The following CATSPERG variants were observed in gnomAD, a reference collection of about 807,000 sequenced individuals.
The protein encoded by CATSPERG is cation channel sperm-associated auxiliary subunit gamma.
Under a neutral mutation model 145.0 loss-of-function variants are expected in CATSPERG, and 115 were observed. The ratio of observed to expected loss-of-function variants is 0.79; its 90% CI spans 0.68 to 0.93. CATSPERG has a LOEUF of 0.93. CATSPERG is among the 40% of genes least tolerant of loss of function. CATSPERG has a pLI of 0.00. For missense variants in CATSPERG, 1,296 were observed against 1,490.1 expected (o/e 0.87, Z 2.14); for synonymous variants, 588 against 589.0 (o/e 1.00, Z 0.02).
intron 25 of CATSPERG, 116 bp from the exon 26 acceptor site, chr19:38,367,932 C>G: frequency 2.6e-6 from 3 of 1,157,352 alleles, no homozygotes. Context: ...TCCTGCCCGC[C>G]CCTAACACCA....
intron 7 of CATSPERG, among the ~76,000 whole-genome samples, chr19:38,351,209 T>C (rs1464311558): frequency 6.6e-6 from 1 of 151,906 alleles, no homozygotes; most frequent in African/African-American, 2.4e-5. Context: ...ATTAAATGAG[T>C]CAGAACTTTC....
At chr19:38,346,349 C>T (rs909547081) in intron 6 of CATSPERG, 101 bp from the exon 7 acceptor site, 32 of 1,099,352 alleles carry the variant, frequency 2.9e-5, no homozygotes, top group Admixed American at 1.4e-4. Flanking sequence ...GGACAAATCG[C>T]GTGGGGCCTT....
chr19:38,362,309 C>A, intron 18 of CATSPERG, 37 bp downstream of exon 18: 2 of 1,613,392 alleles, frequency 1.2e-6, no homozygotes, highest in East Asian at 2.2e-5. Flanking sequence ...AAAGGGGCGG[C>A]GCCCGGACAC....
At position 38,367,501 on chromosome 19, in the gene CATSPERG, C is replaced by A; in HGVS notation, c.2771-8C>A. The A allele has an allele frequency of 1.2e-6, 2 of 1,613,792 alleles. No homozygotes were observed. The highest frequency in any genetic ancestry group is 1.7e-6 in the Non-Finnish European group (2 of 1,179,742). On this transcript the variant is annotated splice_polypyrimidine_tract_variant and splice_region_variant and intron_variant, in intron 23 of 28. Coordinates refer to ENST00000409235, the MANE Select transcript of CATSPERG (RefSeq NM_021185.5). ...TTCTTCTGGTCTCAATCCCCTCCAA[C>A]CCCATAGTTTTCTACCCCTTCTTCT...
At chr19:38,353,969 C>A (rs1215961210) in intron 8 of CATSPERG, among the ~76,000 whole-genome samples, 2 of 116,604 alleles carry the variant, frequency 1.7e-5, no homozygotes, top group South Asian at 5.7e-4. Flanking sequence ...CCAGCCTGGG[C>A]GACAGAGTAA....
rs73635732 is a variant in CATSPERG, at chr19:38,364,799, C to T, written c.2476-92C>T. The T allele has an allele frequency of 4.0e-3, 3,979 of 999,220 alleles. 100 individuals carry two copies. The African/African-American group carries it at 0.055, about 14-fold the overall frequency. The allele number at this position is 999,220 out of a possible 1,614,324, so 61.9% of individuals were successfully genotyped here. A position where few individuals can be genotyped will look rare whatever the true frequency, so the allele number is the denominator to read the frequency against. On this transcript the variant is annotated intron_variant, in intron 20 of 28. Coordinates refer to ENST00000409235, the MANE Select transcript of CATSPERG (RefSeq NM_021185.5). The stretch of plus-strand genomic sequence containing the variant: ...TCCGTTTTCCTACCAGCCACCACCT[C>T]GCCCCAGCTATGGGTTATTTGAACT...
chr19:38,364,610 A>G (rs1970415441), intron 20 of CATSPERG, among the ~76,000 whole-genome samples: 2 of 152,226 alleles, frequency 1.3e-5, no homozygotes, highest in Admixed American at 1.3e-4. Flanking sequence ...AGATCACGCC[A>G]CTGCACTCCA....
intron 11 of CATSPERG, among the ~76,000 whole-genome samples, chr19:38,357,523 A>C (rs1970266083): frequency 6.6e-6 from 1 of 151,750 alleles, no homozygotes; most frequent in Non-Finnish European, 1.5e-5. Context: ...CTCAAAAAAA[A>C]AAAAAGAGCA....
At chr19:38,357,422 C>T (rs73043030) in intron 11 of CATSPERG, among the ~76,000 whole-genome samples, 3,627 of 149,482 alleles carry the variant, frequency 0.024, 60 homozygotes, top group South Asian at 0.043. Flanking sequence ...TTGGAATATA[C>T]CTGAGGTGGG....
chr19:38,347,097 G>A (rs919529590), intron 7 of CATSPERG, among the ~76,000 whole-genome samples: 1 of 152,192 alleles, frequency 6.6e-6, no homozygotes, highest in Admixed American at 6.5e-5. Flanking sequence ...TGTAGTCTCA[G>A]CTGCTCAGAA....
chr19:38,349,255 C>G (rs1302101831), intron 7 of CATSPERG: 1 of 152,126 alleles, frequency 6.6e-6, no homozygotes, highest in African/African-American at 2.4e-5. Flanking sequence ...CCTGAGCCTC[C>G]CTAGTAGCTG....
At chr19:38,341,517 A>G (rs1969937607) in intron 3 of CATSPERG, among the ~76,000 whole-genome samples, 1 of 152,144 alleles carries the variant, frequency 6.6e-6, no homozygotes, top group South Asian at 2.1e-4. Flanking sequence ...TAATCCCAGC[A>G]CTTTGGGAGG....
rs780493103 is a variant in CATSPERG, at chr19:38,361,727, T to G, written c.1960T>G (p.Tyr654Asp). The G allele has an allele frequency of 2.5e-6, 4 of 1,613,262 alleles. No homozygotes were observed. Among genetic ancestry groups the G allele is most frequent in the Non-Finnish European group, 3.4e-6 (4 of 1,179,844 alleles). ...GCGGAGCCTGCCCAGTCCGCAGAGA[T>G]ACACGCGCCAGGAGCGCTACCGGGC... ...RLRSLPSPQR[Y>D]TRQERYRARP... The change falls in exon 17 of 29, where the codon TAC becomes GAC. Residue 654 changes from tyrosine (Y) to aspartate (D), a missense_variant. Coordinates refer to ENST00000409235, the MANE Select transcript of CATSPERG (RefSeq NM_021185.5).
In CATSPERG at chr19:38,359,507, C is replaced by T. The variant is rs1600473547; in HGVS notation, c.1534C>T (p.Pro512Ser). Residue 512 changes from proline to serine, a missense_variant, in exon 14 of 29, where the codon CCC (proline) becomes TCC (serine). Transcript: ENST00000409235. ...KENFIYLADFPKELSIKYMAR... is the reference protein window; with the variant it reads ...KENFIYLADFSKELSIKYMAR... Reference sequence around the variant, plus strand: ...AAACTTCATCTACCTGGCAGACTTCCCCAAGGAACTGTCCATCAAATACAT... The same window carrying T: ...AAACTTCATCTACCTGGCAGACTTCTCCAAGGAACTGTCCATCAAATACAT... The T allele has an allele frequency of 6.2e-7, 1 of 1,613,836 alleles. No individual in the cohort carries two copies. Among genetic ancestry groups the T allele is most frequent in the South Asian group, 1.1e-5 (1 of 91,074 alleles).
Position 38,358,285 on chromosome 19 carries a change from T to A in CATSPERG, c.1323T>A (p.Asp441Glu), listed in dbSNP as rs149594255. 2 of 1,614,176 alleles carry A rather than the reference T, an allele frequency of 1.2e-6. No individual in the cohort carries two copies. The highest frequency in any genetic ancestry group is 1.7e-6 in the Non-Finnish European group (2 of 1,180,012). ...FQVVSYNTASDDLELLYHIPE... is the reference protein window; with the variant it reads ...FQVVSYNTASEDLELLYHIPE... The stretch of plus-strand genomic sequence containing the variant: ...TGTTCTCCCCACCTGTAGCTAGTGA[T>A]GACCTGGAACTTCTCTACCACATCC... The change falls in exon 12 of 29, where the codon GAT becomes GAA. Residue 441 changes from aspartate to glutamate, a missense_variant. Coordinates refer to ENST00000409235, the MANE Select transcript of CATSPERG (RefSeq NM_021185.5).
intron 3 of CATSPERG, among the ~76,000 whole-genome samples, chr19:38,339,451 T>C (rs1055077022): frequency 3.7e-4 from 57 of 152,136 alleles, no homozygotes; most frequent in Admixed American, 1.2e-3. Context: ...CAAGACTCTT[T>C]TACATTATGT....
At chr19:38,356,581 G>T in intron 10 of CATSPERG, 38 bp downstream of exon 10, 2 of 1,607,444 alleles carry the variant, frequency 1.2e-6, no homozygotes, top group South Asian at 1.1e-5. Context: ...TGGGAGGCTG[G>T]GGGAACTGAG....
chr19:38,358,036 T>G (rs1178223413), intron 11 of CATSPERG: 2 of 511,128 alleles, frequency 3.9e-6, no homozygotes, highest in South Asian at 2.5e-5. Context: ...GAGGATCACT[T>G]GAACCGAGGA....
rs1970515662 is a variant in CATSPERG at position 38,369,850 on chromosome 19, A to G, written c.3021-122A>G. On this transcript the variant is annotated intron_variant, in intron 26 of 28. Transcript: ENST00000409235. ...GAATGAGTGAATGAAGGAATGAATG[A>G]GGGAAGGCATGAGATTGCACCCATT... 9 of 848,000 alleles carry G rather than the reference A, an allele frequency of 1.1e-5. No homozygotes were observed. In the African/African-American group the frequency reaches 1.5e-4, roughly 14 times the overall value. 52.5% of individuals were successfully genotyped at this position (848,000 alleles called of 1,614,324 possible).
Sources: gnomAD v4.1 joint callset for allele counts (sites outside exome capture counted in the v4.1 genomes callset) on GRCh38, gnomAD v4.1.1 for gene constraint, MANE v1.5 for transcripts, NCBI Gene and HGNC (gene_info 2026-07-23, HGNC 2026-07-21) for gene names.